The following RANBP17 variants were observed in gnomAD, a reference collection of about 807,000 sequenced individuals.
The protein encoded by RANBP17 is ran-binding protein 17.
In RANBP17, 158 loss-of-function variants were observed where a neutral mutation model predicts 141.2. That is an observed-to-expected ratio of 1.12 (90% CI 0.98 to 1.28). RANBP17 has a LOEUF of 1.28. Ranked by LOEUF, RANBP17 falls within the 50% of genes most tolerant of loss-of-function variation. The probability of loss-of-function intolerance (pLI) is 0.00; values close to 1 mark genes in which losing one functional copy is unlikely to be tolerated. For missense variants in RANBP17, 1,438 were observed against 1,290.7 expected (o/e 1.11, Z -1.75); for synonymous variants, 430 against 450.0 (o/e 0.96, Z 0.56).
At chr5:170,877,605 G>A (rs1299099380) in intron 1 of RANBP17, among the ~76,000 whole-genome samples, 2 of 152,094 alleles carry the variant, frequency 1.3e-5, no homozygotes, top group African/African-American at 4.8e-5. Flanking sequence ...TTGGTTATCT[G>A]CAACTTGTGC....
chr5:170,923,905 T>G (rs1326711409), intron 11 of RANBP17, among the ~76,000 whole-genome samples: 1 of 152,168 alleles, frequency 6.6e-6, no homozygotes. Context: ...TCTAAAAATA[T>G]TTTCTGTTTA....
chr5:171,155,522 A>G (rs989952212), intron 14 of RANBP17, among the ~76,000 whole-genome samples: 2 of 152,174 alleles, frequency 1.3e-5, no homozygotes, highest in African/African-American at 2.4e-5. Flanking sequence ...TACAATTATG[A>G]TTTATGATGA....
intron 14 of RANBP17, among the ~76,000 whole-genome samples, chr5:171,142,821 AC>A (rs534060472): frequency 6.6e-4 from 101 of 152,188 alleles, no homozygotes; most frequent in Non-Finnish European, 1.3e-3. Flanking sequence ...AGGAAATGAA[AC>A]CTCAGAATAA....
chr5:171,053,862 C>G (rs1316332315), intron 14 of RANBP17, among the ~76,000 whole-genome samples: 2 of 123,338 alleles, frequency 1.6e-5, no homozygotes, highest in African/African-American at 6.3e-5. Flanking sequence ...CCTTCAAATC[C>G]TGTCAGTGTT....
At chr5:171,214,406 G>T (rs1326055320) in intron 21 of RANBP17, among the ~76,000 whole-genome samples, 1 of 152,124 alleles carries the variant, frequency 6.6e-6, no homozygotes, top group East Asian at 1.9e-4. Flanking sequence ...AGAAAATCTG[G>T]CAATAAGCTA....
chr5:170,999,127 AATT>A (rs1381478222), intron 14 of RANBP17, among the ~76,000 whole-genome samples: 2 of 152,054 alleles, frequency 1.3e-5, no homozygotes, highest in Admixed American at 6.6e-5. Flanking sequence ...GATTTTAGCT[AATT>A]ATTATTTATT....
chr5:171,258,742 A>G (rs1390910858), intron 24 of RANBP17, among the ~76,000 whole-genome samples: 2 of 152,210 alleles, frequency 1.3e-5, no homozygotes, highest in Non-Finnish European at 2.9e-5. Flanking sequence ...AAAATGGATT[A>G]AAGACTTAAA....
chr5:170,968,542 A>G, intron 14 of RANBP17, 165 bp downstream of exon 14: 2 of 694,564 alleles, frequency 2.9e-6, no homozygotes, highest in South Asian at 3.2e-5. Flanking sequence ...TGCTTGTTTT[A>G]TACCTAGTTT....
intron 18 of RANBP17, among the ~76,000 whole-genome samples, chr5:171,196,588 A>G (rs1429108171): frequency 1.3e-5 from 2 of 152,172 alleles, no homozygotes; most frequent in African/African-American, 4.8e-5. Flanking sequence ...TCAAGACAAC[A>G]ATAGTGCTAA....
intron 4 of RANBP17, 53 bp downstream of exon 4, chr5:170,892,606 T>C (rs1439041556): frequency 7.0e-7 from 1 of 1,425,000 alleles, no homozygotes; most frequent in Non-Finnish European, 9.7e-7. Context: ...TTTTTTGGTT[T>C]AGAATACTGC....
chr5:170,897,605 C>A (rs915515890), intron 5 of RANBP17, among the ~76,000 whole-genome samples: 9 of 151,478 alleles, frequency 5.9e-5, no homozygotes, highest in Non-Finnish European at 1.3e-4. Context: ...GTTTCTCTCC[C>A]CGTGTCCATG....
chr5:171,089,794 G>T (rs1013070938), intron 14 of RANBP17, among the ~76,000 whole-genome samples: 1 of 152,202 alleles, frequency 6.6e-6, no homozygotes, highest in African/African-American at 2.4e-5. Context: ...CCCAGGTGAG[G>T]CAATGCCTCG....
At chr5:171,156,341 C>G (rs1758892856) in intron 14 of RANBP17, among the ~76,000 whole-genome samples, 1 of 151,978 alleles carries the variant, frequency 6.6e-6, no homozygotes, top group Non-Finnish European at 1.5e-5. Context: ...TTTCTTAGTT[C>G]TCAGTAATTG....
chr5:170,953,498 G>T lies in RANBP17; in HGVS notation c.1469-99G>T. 3 of 712,708 alleles carry T rather than the reference G, an allele frequency of 4.2e-6. No individual in the cohort carries two copies. In the South Asian group the frequency reaches 5.6e-5, roughly 13 times the overall value. 44.1% of individuals were successfully genotyped at this position (712,708 alleles called of 1,614,324 possible). Reference sequence around the variant, plus strand: ...GTTCACAATAATTTATCACTCATTTGGAAGAACAGATCATTGTGCTGATTT... The same window carrying T: ...GTTCACAATAATTTATCACTCATTTTGAAGAACAGATCATTGTGCTGATTT... On this transcript the variant is annotated intron_variant, in intron 12 of 27. Transcript: ENST00000523189.
At chr5:170,862,393 G>A (rs1394315014) in intron 1 of RANBP17, among the ~76,000 whole-genome samples, 1 of 152,212 alleles carries the variant, frequency 6.6e-6, no homozygotes, top group African/African-American at 2.4e-5. Context: ...GGGCAGGTGG[G>A]AGTCCCAGCT....
At chr5:171,113,468 G>C (rs1167575833) in intron 14 of RANBP17, among the ~76,000 whole-genome samples, 1 of 151,980 alleles carries the variant, frequency 6.6e-6, no homozygotes, top group South Asian at 2.1e-4. Flanking sequence ...CTCTTATAAT[G>C]TAATAGATAT....
intron 13 of RANBP17, among the ~76,000 whole-genome samples, chr5:170,960,486 G>A (rs1244603192): frequency 6.6e-6 from 1 of 152,146 alleles, no homozygotes; most frequent in Non-Finnish European, 1.5e-5. Flanking sequence ...AGTTTCCCAA[G>A]CCTGAATCGT....
intron 14 of RANBP17, among the ~76,000 whole-genome samples, chr5:171,042,135 G>A (rs1007723551): frequency 6.6e-6 from 1 of 151,886 alleles, no homozygotes; most frequent in Non-Finnish European, 1.5e-5. Flanking sequence ...TCTTTATCCA[G>A]TCTATCATTG....
intron 20 of RANBP17, chr5:171,205,978 G>C (rs539773801): frequency 1.1e-5 from 4 of 368,662 alleles, no homozygotes; most frequent in South Asian, 2.1e-5. Context: ...AATTAGCAAG[G>C]CTGGGAAGAT....
Sources: gnomAD v4.1 joint callset for allele counts (sites outside exome capture counted in the v4.1 genomes callset) on GRCh38, gnomAD v4.1.1 for gene constraint, MANE v1.5 for transcripts, NCBI Gene and HGNC (gene_info 2026-07-23, HGNC 2026-07-21) for gene names.